The following GRID2 variants were observed in gnomAD, a reference collection of about 807,000 sequenced individuals.
The protein encoded by GRID2 is glutamate receptor ionotropic, delta-2.
A neutral mutation model predicts 114.8 loss-of-function variants in GRID2; 33 were observed. The ratio of observed to expected loss-of-function variants is 0.29; its 90% confidence interval spans 0.22 to 0.38. GRID2 has a LOEUF of 0.38. Ranked by LOEUF, GRID2 falls within the 10% of genes least tolerant of loss-of-function variation. GRID2 has a pLI of 1.00. For missense variants in GRID2, 1,184 were observed against 1,257.7 expected (o/e 0.94, Z 0.89); for synonymous variants, 505 against 449.9 (o/e 1.12, Z -1.55).
chr4:93,017,540 G>T (rs1349950144), intron 2 of GRID2, among the ~76,000 whole-genome samples: 1 of 151,684 alleles, frequency 6.6e-6, no homozygotes, highest in Non-Finnish European at 1.5e-5. Context: ...ATGGCCACGC[G>T]CAGTGGCTCA....
intron 2 of GRID2, among the ~76,000 whole-genome samples, chr4:92,972,809 T>C (rs1023970215): frequency 1.3e-5 from 2 of 151,946 alleles, no homozygotes; most frequent in African/African-American, 4.8e-5. Flanking sequence ...TCTATGTGTT[T>C]ATGTGTTCTC....
At chr4:93,295,063 T>A (rs1035805493) in intron 8 of GRID2, among the ~76,000 whole-genome samples, 7 of 152,134 alleles carry the variant, frequency 4.6e-5, no homozygotes. Context: ...AAATCCAGAT[T>A]TAGACAGAAA....
intron 11 of GRID2, among the ~76,000 whole-genome samples, chr4:93,488,583 A>G (rs1324813683): frequency 2.0e-5 from 3 of 152,006 alleles, no homozygotes; most frequent in African/African-American, 7.2e-5. Flanking sequence ...CCGTGAGTAT[A>G]AAACTAACTT....
intron 1 of GRID2, among the ~76,000 whole-genome samples, chr4:92,497,130 C>G (rs1723427355): frequency 6.6e-6 from 1 of 151,762 alleles, no homozygotes; most frequent in African/African-American, 2.4e-5. Context: ...GATAGGATAA[C>G]TTTCCTCTGG....
Position 92,912,435 on chromosome 4 carries a change from G to A in GRID2, c.245-172560G>A, listed in dbSNP as rs1368686617. Among the ~76,000 whole-genome samples the A allele has an allele frequency of 4.0e-5, 6 of 151,730 alleles. No individual in the cohort carries two copies. The East Asian group carries it at 5.8e-4, about 15-fold the overall frequency. Reference sequence around the variant, plus strand: ...TATTTGTAAAATGTATTTCCCATACGTCCTGATGGTAATTGTTATGCATTT... The same window carrying A: ...TATTTGTAAAATGTATTTCCCATACATCCTGATGGTAATTGTTATGCATTT... On this transcript the variant is annotated intron_variant, in intron 2 of 15. Coordinates refer to ENST00000282020, the MANE Select transcript of GRID2 (RefSeq NM_001510.4).
intron 2 of GRID2, among the ~76,000 whole-genome samples, chr4:92,791,221 T>C (rs1287630805): frequency 6.6e-6 from 1 of 151,794 alleles, no homozygotes; most frequent in Non-Finnish European, 1.5e-5. Context: ...GTGGTAAGTT[T>C]ATGGACTGTG....
At chr4:93,183,208 AAAAT>A (rs1281756086) in intron 4 of GRID2, among the ~76,000 whole-genome samples, 1 of 152,212 alleles carries the variant, frequency 6.6e-6, no homozygotes, top group Non-Finnish European at 1.5e-5. Flanking sequence ...TAATTAAAAA[AAAAT>A]GAGGTGATCC....
At chr4:92,453,080 AATC>A (rs923574904) in intron 1 of GRID2, among the ~76,000 whole-genome samples, 1 of 151,726 alleles carries the variant, frequency 6.6e-6, no homozygotes, top group Non-Finnish European at 1.5e-5. Context: ...ACATGCATTA[AATC>A]ATGTCCTCTA....
At chr4:92,478,078 G>T (rs1202821615) in intron 1 of GRID2, among the ~76,000 whole-genome samples, 1 of 151,810 alleles carries the variant, frequency 6.6e-6, no homozygotes, top group East Asian at 1.9e-4. Flanking sequence ...AAAATTGACT[G>T]TATCCCATCC....
chr4:93,346,891 A>G (rs754371447), intron 8 of GRID2, among the ~76,000 whole-genome samples: 5 of 152,190 alleles, frequency 3.3e-5, no homozygotes, highest in Admixed American at 3.3e-4. Context: ...CATAAATAGG[A>G]GTCCTGCTAA....
At chr4:93,097,249 A>T (rs1461415119) in intron 3 of GRID2, among the ~76,000 whole-genome samples, 1 of 151,954 alleles carries the variant, frequency 6.6e-6, no homozygotes, top group East Asian at 1.9e-4. Flanking sequence ...TTAAGCATTT[A>T]AGATCTGTTT....
chr4:92,445,194 T>C (rs957319224), intron 1 of GRID2, among the ~76,000 whole-genome samples: 2 of 152,210 alleles, frequency 1.3e-5, no homozygotes, highest in Non-Finnish European at 2.9e-5. Flanking sequence ...ATTTTTGCCC[T>C]TGTATTGATG....
chr4:92,855,939 C>G (rs945541793), intron 2 of GRID2, among the ~76,000 whole-genome samples: 3 of 151,972 alleles, frequency 2.0e-5, no homozygotes, highest in African/African-American at 7.2e-5. Flanking sequence ...AAGGTTGCAT[C>G]ATGTCACGCG....
intron 13 of GRID2, among the ~76,000 whole-genome samples, chr4:93,518,424 GA>G (rs1730018702): frequency 1.3e-5 from 2 of 151,872 alleles, no homozygotes; most frequent in African/African-American, 4.8e-5. Flanking sequence ...TGCATAAGTA[GA>G]AAAAATATGA....
intron 2 of GRID2, among the ~76,000 whole-genome samples, chr4:92,772,983 T>C (rs1193244300): frequency 1.3e-5 from 2 of 152,234 alleles, no homozygotes; most frequent in Non-Finnish European, 2.9e-5. Context: ...TGTCAAGTCA[T>C]TCTAGAAAAA....
chr4:92,683,091 G>A (rs1322680493), intron 2 of GRID2, among the ~76,000 whole-genome samples: 1 of 151,954 alleles, frequency 6.6e-6, no homozygotes, highest in Non-Finnish European at 1.5e-5. Context: ...CAAGGTCAGG[G>A]GATCAAGACC....
intron 1 of GRID2, among the ~76,000 whole-genome samples, chr4:93,793,147 A>T (rs369659816): frequency 6.6e-6 from 1 of 152,250 alleles, no homozygotes; most frequent in African/African-American, 2.4e-5. Flanking sequence ...CATAAAATTT[A>T]CTTATTAAAA....
chr4:93,055,087 T>C (rs966447777), intron 2 of GRID2, among the ~76,000 whole-genome samples: 3 of 151,934 alleles, frequency 2.0e-5, no homozygotes, highest in African/African-American at 7.2e-5. Flanking sequence ...TGGTTTGATA[T>C]GTTAATGAGT....
At chr4:93,631,677 C>T (rs138428858) in intron 14 of GRID2, among the ~76,000 whole-genome samples, 20,717 of 152,076 alleles carry the variant, frequency 0.14, 1,783 homozygotes, top group East Asian at 0.43. Context: ...AATAAATATA[C>T]GTGTGCATGT....
Sources: gnomAD v4.1 joint callset for allele counts (sites outside exome capture counted in the v4.1 genomes callset) on GRCh38, gnomAD v4.1.1 for gene constraint, MANE v1.5 for transcripts, NCBI Gene and HGNC (gene_info 2026-07-23, HGNC 2026-07-21) for gene names.